Variants in MYH14 observed in about 807,000 individuals in gnomAD.
MYH14 encodes the protein myosin-14.
In MYH14, 123 loss-of-function variants were observed where a neutral mutation model predicts 255.5. The observed-to-expected ratio is 0.48, with a 90% CI of 0.42 to 0.56. MYH14 has a LOEUF of 0.56. MYH14 is among the 20% of genes least tolerant of loss of function. The pLI is 0.00. For missense variants in MYH14, 2,423 were observed against 2,802.3 expected (o/e 0.86, Z 3.06); for synonymous variants, 1,095 against 1,161.2 (o/e 0.94, Z 1.16).
At chr19:50,287,921 G>A (rs1170629345) in intron 34 of MYH14, among the ~76,000 whole-genome samples, 1 of 151,942 alleles carries the variant, frequency 6.6e-6, no homozygotes, top group African/African-American at 2.4e-5. Context: ...CACAGTGTGA[G>A]GACTCCCACT....
At chr19:50,268,388 AC>A (rs2035173727) in intron 24 of MYH14, 21 bp downstream of exon 24, 1 of 1,548,716 alleles carries the variant, frequency 6.5e-7, no homozygotes, top group East Asian at 2.4e-5. Flanking sequence ...TTGCATGCCC[AC>A]CAGGCCACCC....
intron 6 of MYH14, among the ~76,000 whole-genome samples, chr19:50,225,169 C>T (rs146004388): frequency 2.8e-3 from 419 of 152,304 alleles, no homozygotes; most frequent in African/African-American, 9.6e-3. Context: ...CAGTCCCCTT[C>T]CTTGGAGTGC....
At chr19:50,207,279 G>GAC (rs1568458431) in intron 1 of MYH14, among the ~76,000 whole-genome samples, 1 of 142,648 alleles carries the variant, frequency 7.0e-6, no homozygotes, top group Non-Finnish European at 1.5e-5. Context: ...GACAGAGAGA[G>GAC]AGAGAGAGAG....
rs150545032 is a variant in MYH14 at position 50,268,445 on chromosome 19, G to A, written c.3033+78G>A. 2.6e-4 allele frequency: 364 copies of A among 1,427,258 alleles called. 2 individuals carry two copies. The African/African-American group carries it at 3.7e-3, about 15-fold the overall frequency. The allele number at this position is 1,427,258 out of a possible 1,614,324, so 88.4% of individuals were successfully genotyped here. ...CCATCCACCTTTGCTTCTACAAACC[G>A]TGTGTCTTTGGGCCATGAATTTGTA... is the stretch of plus-strand genomic sequence containing the variant. On this transcript the variant is annotated intron_variant, in intron 24 of 42. Transcript: ENST00000642316.
intron 2 of MYH14, among the ~76,000 whole-genome samples, chr19:50,213,586 A>G (rs2032314528): frequency 6.6e-6 from 1 of 152,200 alleles, no homozygotes; most frequent in African/African-American, 2.4e-5. Flanking sequence ...CAGGAAGCAC[A>G]TTGGGCCTTA....
At chr19:50,232,130 G>A (rs2033429233) in intron 10 of MYH14, 60 bp downstream of exon 10, 3 of 1,591,274 alleles carry the variant, frequency 1.9e-6, no homozygotes, top group African/African-American at 1.3e-5. Flanking sequence ...CTGGGGACCT[G>A]GCCATTCATG....
chr19:50,207,271 C>CAGACAGAGAG (rs2031835604), intron 1 of MYH14, among the ~76,000 whole-genome samples: 2 of 76,834 alleles, frequency 2.6e-5, no homozygotes, highest in South Asian at 6.0e-4. Flanking sequence ...GAGAGAGAGA[C>CAGACAGAGAG]AGAGAGAGAG....
intron 39 of MYH14, among the ~76,000 whole-genome samples, chr19:50,297,666 T>A (rs1012235381): frequency 1.3e-5 from 2 of 151,090 alleles, no homozygotes; most frequent in Non-Finnish European, 3.0e-5. Context: ...CTGGCTAATT[T>A]TTTTTGTATT....
Position 50,225,642 on chromosome 19 carries a change from G to A in MYH14, c.775G>A (p.Ala259Thr). The change falls in exon 7 of 43, where the codon GCC becomes ACC. Residue 259 changes from alanine (A) to threonine (T), a missense_variant. Physicochemically the swap from Ala to Thr is moderately conservative, Grantham distance 58. Coordinates refer to ENST00000642316, the MANE Select transcript of MYH14 (RefSeq NM_001145809.2). The part of the protein sequence containing the change: ...ANPILEAFGN[A>T]KTVKNDNSSR... ...CCCCATCCTAGAGGCCTTTGGCAAT[G>A]CCAAGACAGTGAAGAATGACAACTC... The A allele has an allele frequency of 6.2e-7, 1 of 1,613,936 alleles. No individual in the cohort carries two copies. The highest frequency in any genetic ancestry group is 8.5e-7 in the Non-Finnish European group (1 of 1,179,956).
At chr19:50,232,609 A>C (rs1244885223) in intron 10 of MYH14, among the ~76,000 whole-genome samples, 22 of 150,466 alleles carry the variant, frequency 1.5e-4, no homozygotes, top group African/African-American at 2.2e-4. Flanking sequence ...AAAAAAAAAA[A>C]AAAAAAACAA....
chr19:50,237,216 A>G (rs80348663), intron 10 of MYH14, among the ~76,000 whole-genome samples: 2,911 of 152,238 alleles, frequency 0.019, 84 homozygotes, highest in African/African-American at 0.064. Context: ...GAATGTAATG[A>G]ATGCCCCACC....
chr19:50,235,240 C>T (rs991173816), intron 10 of MYH14, among the ~76,000 whole-genome samples: 2 of 151,836 alleles, frequency 1.3e-5, no homozygotes, highest in East Asian at 3.9e-4. Flanking sequence ...CGCCTGTAGT[C>T]CCAGCTACTC....
rs530891203 is a variant in MYH14, at chr19:50,305,263, G to A, written c.5679-1786G>A. The stretch of plus-strand genomic sequence containing the variant: ...AGCAGAACAAGATGAGGCCTGAGCT[G>A]GGGCTGGGGCTGTGAAGATGAACAA... On this transcript the variant is annotated intron_variant, in intron 40 of 42. Transcript: ENST00000642316. Among the ~76,000 whole-genome samples the A allele has an allele frequency of 2.0e-5, 3 of 152,180 alleles. No homozygotes were observed. In the South Asian group the frequency reaches 6.2e-4, roughly 32 times the overall value.
chr19:50,296,202 T>A (rs2036260780), intron 39 of MYH14, among the ~76,000 whole-genome samples: 1 of 152,210 alleles, frequency 6.6e-6, no homozygotes, highest in Admixed American at 6.5e-5. Flanking sequence ...TGATGTATTT[T>A]ATACAGATCC....
chr19:50,268,337 C>T lies in MYH14; in HGVS notation c.3003C>T (p.Thr1001=), dbSNP rs999905136. The change falls in exon 24 of 43, where the codon ACC becomes ACT. Residue 1001 remains threonine, a synonymous_variant. Coordinates refer to ENST00000642316, the MANE Select transcript of MYH14 (RefSeq NM_001145809.2). ...EEEECSRQMQ[T]EKKRLQQHIQ... is the part of the protein sequence containing the mutation. ...AGGAGTGCAGCCGTCAAATGCAAAC[C>T]GAGAAGAAGAGGCTGCAGCAGCACA... 1.3e-5 allele frequency: 21 copies of T among 1,585,068 alleles called. No homozygotes were observed. Among genetic ancestry groups the T allele is most frequent in the Admixed American group, 1.8e-5 (1 of 56,044 alleles).
At chr19:50,273,097 C>G (rs2035370398) in intron 27 of MYH14, among the ~76,000 whole-genome samples, 1 of 151,944 alleles carries the variant, frequency 6.6e-6, no homozygotes, top group African/African-American at 2.4e-5. Flanking sequence ...TTGAAACCAG[C>G]CTGGCTAACA....
intron 1 of MYH14, among the ~76,000 whole-genome samples, chr19:50,208,896 G>GT (rs140382124): frequency 0.014 from 2,170 of 152,218 alleles, 50 homozygotes; most frequent in African/African-American, 0.046. Context: ...GCTCACACCT[G>GT]TAATCCCAGT....
At chr19:50,257,218 A>G (rs2034622616) in intron 17 of MYH14, 81 bp from the exon 18 acceptor site, 2 of 1,194,008 alleles carry the variant, frequency 1.7e-6, no homozygotes, top group South Asian at 1.5e-5. Flanking sequence ...GTGATAAATG[A>G]TAAGACCCTT....
chr19:50,248,070 AAAAAAAG>A (rs2034203375), intron 12 of MYH14, among the ~76,000 whole-genome samples: 1 of 151,816 alleles, frequency 6.6e-6, no homozygotes, highest in Non-Finnish European at 1.5e-5. Flanking sequence ...AAAAAAAAAA[AAAAAAAG>A]AAAAGAAAAA....
Sources: gnomAD v4.1 joint callset for allele counts (sites outside exome capture counted in the v4.1 genomes callset) on GRCh38, gnomAD v4.1.1 for gene constraint, MANE v1.5 for transcripts, NCBI Gene and HGNC (gene_info 2026-07-23, HGNC 2026-07-21) for gene names.